Variants in RNLS observed in about 807,000 individuals in gnomAD.
RNLS encodes the protein renalase.
Under a neutral mutation model 39.8 loss-of-function variants are expected in RNLS, and 39 were observed. The observed-to-expected ratio is 0.98, with a 90% CI of 0.76 to 1.28. RNLS has a LOEUF of 1.28. Ranked by LOEUF, RNLS falls within the 50% of genes most tolerant of loss-of-function variation. RNLS has a pLI of 0.00. For missense variants in RNLS, 410 were observed against 413.3 expected (o/e 0.99, Z 0.07); for synonymous variants, 147 against 150.7 (o/e 0.98, Z 0.18).
At chr10:88,506,805 G>A (rs1009742475) in intron 4 of RNLS, among the ~76,000 whole-genome samples, 1 of 152,076 alleles carries the variant, frequency 6.6e-6, no homozygotes, top group Admixed American at 6.6e-5. Flanking sequence ...AACAAAGTAA[G>A]TCTGTAAGTT....
intron 4 of RNLS, among the ~76,000 whole-genome samples, chr10:88,437,275 T>C (rs1474510738): frequency 6.6e-6 from 1 of 152,206 alleles, no homozygotes; most frequent in African/African-American, 2.4e-5. Flanking sequence ...GCCTCTCCAG[T>C]CCAACCTTTC....
intron 4 of RNLS, among the ~76,000 whole-genome samples, chr10:88,547,868 C>T (rs748092642): frequency 3.9e-5 from 6 of 151,942 alleles, no homozygotes; most frequent in Non-Finnish European, 8.8e-5. Flanking sequence ...TAGATCAAAA[C>T]ATCACATTGT....
intron 4 of RNLS, among the ~76,000 whole-genome samples, chr10:88,525,435 G>C (rs1268990077): frequency 6.6e-6 from 1 of 152,026 alleles, no homozygotes; most frequent in African/African-American, 2.4e-5. Context: ...CAGAAAGCAG[G>C]TTTTTAGCAG....
intron 5 of RNLS, among the ~76,000 whole-genome samples, chr10:88,354,213 A>T (rs1848961621): frequency 6.6e-6 from 1 of 152,160 alleles, no homozygotes. Flanking sequence ...TAGCCTGTTT[A>T]CATGTAAAGT....
chr10:88,475,126 AG>A (rs1843736167), intron 4 of RNLS, among the ~76,000 whole-genome samples: 1 of 152,162 alleles, frequency 6.6e-6, no homozygotes, highest in African/African-American at 2.4e-5. Flanking sequence ...TTGGGCACAC[AG>A]GGCGACAGGG....
chr10:88,217,944 G>A, the RNLS span, among the ~76,000 whole-genome samples: 44 of 152,278 alleles, frequency 2.9e-4, no homozygotes, highest in Non-Finnish European at 3.7e-4. Flanking sequence ...GCAGGCTGAG[G>A]TGAGAGAATC....
intron 4 of RNLS, among the ~76,000 whole-genome samples, chr10:88,399,528 C>G (rs1852785039): frequency 1.3e-5 from 2 of 151,856 alleles, no homozygotes; most frequent in Admixed American, 1.3e-4. Flanking sequence ...TGAAAAAAAG[C>G]AGACACACAA....
chr10:88,582,454 A>AT (rs769626536), intron 1 of RNLS, 147 bp from the exon 2 acceptor site: 175 of 612,694 alleles, frequency 2.9e-4, no homozygotes, highest in Non-Finnish European at 4.3e-4. Flanking sequence ...AGATTGTGAG[A>AT]TTTTAGAAGG....
At chr10:88,190,711 G>A in the RNLS span, among the ~76,000 whole-genome samples, 1 of 152,102 alleles carries the variant, frequency 6.6e-6, no homozygotes, top group Admixed American at 6.5e-5. Context: ...AGGTTCCTGT[G>A]TTCTCCACCC....
intron 4 of RNLS, among the ~76,000 whole-genome samples, chr10:88,416,689 CA>C (rs1707914801): frequency 6.6e-6 from 1 of 152,176 alleles, no homozygotes; most frequent in Non-Finnish European, 1.5e-5. Context: ...CCCACATATG[CA>C]AATATAATCA....
intron 4 of RNLS, among the ~76,000 whole-genome samples, chr10:88,474,157 A>C (rs1433255643): frequency 5.9e-5 from 9 of 152,204 alleles, no homozygotes; most frequent in Non-Finnish European, 1.5e-5. Context: ...AGCAAATCAA[A>C]TTATACATAA....
chr10:88,251,743 T>C, the RNLS span, among the ~76,000 whole-genome samples: 1 of 152,266 alleles, frequency 6.6e-6, no homozygotes, highest in Admixed American at 6.5e-5. Context: ...TAATACCTTC[T>C]TGTGACTTAA....
chr10:88,243,544 A>C, the RNLS span, among the ~76,000 whole-genome samples: 1 of 152,246 alleles, frequency 6.6e-6, no homozygotes, highest in Non-Finnish European at 1.5e-5. Flanking sequence ...CTGTCTGCTC[A>C]GCACAAACTT....
chr10:88,206,467 C>T, the RNLS span, among the ~76,000 whole-genome samples: 1 of 152,224 alleles, frequency 6.6e-6, no homozygotes, highest in Non-Finnish European at 1.5e-5. Flanking sequence ...AAAAGAAGAA[C>T]ATTTAATTAG....
the RNLS span, among the ~76,000 whole-genome samples, chr10:88,265,323 C>CTTTTTTTTTTT: frequency 2.7e-4 from 16 of 59,064 alleles, no homozygotes; most frequent in East Asian, 1.0e-3. Flanking sequence ...CAGGGTTTTT[C>CTTTTTTTTTTT]TTTTTTTTTT....
At chr10:88,180,165 C>T in the RNLS span, among the ~76,000 whole-genome samples, 4 of 152,138 alleles carry the variant, frequency 2.6e-5, 1 homozygote, top group Admixed American at 1.3e-4. Flanking sequence ...ATTTGTACAT[C>T]AAAGCTAGAT....
At chr10:88,319,099 A>G (rs1386863581) in intron 5 of RNLS, among the ~76,000 whole-genome samples, 1 of 152,162 alleles carries the variant, frequency 6.6e-6, no homozygotes, top group Non-Finnish European at 1.5e-5. Flanking sequence ...GTGTTAGCTC[A>G]TATGTCAAAT....
chr10:88,412,077 T>C (rs957112260), intron 4 of RNLS, among the ~76,000 whole-genome samples: 7 of 151,994 alleles, frequency 4.6e-5, no homozygotes, highest in Non-Finnish European at 1.0e-4. Context: ...AGAAGGATGG[T>C]GATATGATCA....
intron 4 of RNLS, among the ~76,000 whole-genome samples, chr10:88,505,231 A>G (rs559996295): frequency 1.3e-5 from 2 of 151,954 alleles, no homozygotes; most frequent in African/African-American, 2.4e-5. Flanking sequence ...AACAATAGCT[A>G]TGGCATCATC....
Sources: gnomAD v4.1 joint callset for allele counts (sites outside exome capture counted in the v4.1 genomes callset) on GRCh38, gnomAD v4.1.1 for gene constraint, MANE v1.5 for transcripts, NCBI Gene and HGNC (gene_info 2026-07-23, HGNC 2026-07-21) for gene names.